ATP13A3: variants seen among roughly 807,000 people sequenced by gnomAD.
ATP13A3 encodes polyamine-transporting ATPase 13A3.
ATP13A3 carries 59 observed loss-of-function variants against 158.1 expected under a neutral mutation model. That is an observed-to-expected ratio of 0.37 (90% CI 0.30 to 0.46). The LOEUF is 0.46. ATP13A3 is among the 20% of genes least tolerant of loss of function. The pLI is 1.00. For missense variants in ATP13A3, 1,166 were observed against 1,525.2 expected (o/e 0.76, Z 3.92); for synonymous variants, 491 against 504.3 (o/e 0.97, Z 0.35).
Position 194,406,084 on chromosome 3 carries a change from T to C in ATP13A3, c.3606A>G (p.Leu1202=), listed in dbSNP as rs200995700. 9.0e-5 allele frequency: 146 copies of C among 1,614,082 alleles called. No homozygotes were observed. Among genetic ancestry groups the C allele is most frequent in the Non-Finnish European group, 5.9e-6 (7 of 1,180,018 alleles). ...TCTTTCTACAGCCCAGGGCCCAGGG[T>C]AAGCAGCATTTTCCCCACCGATCCA... ...ESVDRWGKCC[L]PWALGCRKKT... Residue 1202 remains leucine (L), a synonymous_variant, in exon 34 of 34, where the codon TTA becomes TTG. Coordinates refer to ENST00000645319, the MANE Select transcript of ATP13A3 (RefSeq NM_001367549.1).
At chr3:194,485,109 A>G (rs1167523073) in intron 2 of ATP13A3, among the ~76,000 whole-genome samples, 1 of 152,074 alleles carries the variant, frequency 6.6e-6, no homozygotes, top group Non-Finnish European at 1.5e-5. Flanking sequence ...TTTCCTACCC[A>G]ATCCCCTGAC....
chr3:194,410,307 A>C (rs1008246289), intron 33 of ATP13A3, among the ~76,000 whole-genome samples: 4 of 139,586 alleles, frequency 2.9e-5, no homozygotes, highest in African/African-American at 1.1e-4. Context: ...AAAAAAAAAA[A>C]AAAAAAAAAA....
intron 2 of ATP13A3, among the ~76,000 whole-genome samples, chr3:194,484,113 G>A (rs985535346): frequency 3.9e-5 from 6 of 152,176 alleles, no homozygotes; most frequent in Non-Finnish European, 8.8e-5. Flanking sequence ...GAGATGTTAT[G>A]TTGCCTAGTC....
chr3:194,450,056 G>T, intron 11 of ATP13A3, 89 bp downstream of exon 11: 1 of 1,355,206 alleles, frequency 7.4e-7, no homozygotes, highest in Non-Finnish European at 1.0e-6. Context: ...AGGTACAAAT[G>T]ACATAGCTAA....
chr3:194,457,208 G>A (rs373357916), intron 6 of ATP13A3, 34 bp from the exon 7 acceptor site: 1 of 1,527,638 alleles, frequency 6.5e-7, no homozygotes, highest in Admixed American at 1.8e-5. Context: ...TTTAAACAAA[G>A]TTTAAAATAT....
chr3:194,460,864 T>C, intron 3 of ATP13A3, 33 bp from the exon 4 acceptor site: 1 of 1,583,964 alleles, frequency 6.3e-7, no homozygotes, highest in Non-Finnish European at 8.6e-7. Context: ...TGATTAATTA[T>C]CAAATGATAA....
intron 3 of ATP13A3, 87 bp downstream of exon 3, chr3:194,462,053 G>C: frequency 7.5e-7 from 1 of 1,330,878 alleles, no homozygotes; most frequent in Non-Finnish European, 1.1e-6. Context: ...CGCCACTGTT[G>C]TTAATTGCAT....
chr3:194,420,344 G>A (rs1298775008), intron 30 of ATP13A3: 1 of 154,574 alleles, frequency 6.5e-6, no homozygotes, highest in Admixed American at 6.5e-5. Context: ...ACTAAACTAT[G>A]TGTGGCAAAA....
rs1330089621 is a variant in ATP13A3, at chr3:194,412,245, C to T, written c.3527G>A (p.Arg1176Gln). ...DMVLWKVVFN[R>Q]DKQGEYRFST... ...GAACCGATACTCTCCTTGTTTGTCT[C>T]GGTTGAACACAACTTTCCAAAGGAC... is the stretch of plus-strand genomic sequence containing the variant. The change falls in exon 33 of 34, where the codon CGA (arginine) becomes CAA (glutamine). Residue 1176 changes from arginine (R) to glutamine (Q), a missense_variant. Physicochemically the swap from Arg to Gln is conservative, Grantham distance 43 (BLOSUM62 1). Transcript: ENST00000645319. 21 of 1,536,348 alleles carry T rather than the reference C, an allele frequency of 1.4e-5. No individual in the cohort carries two copies. The highest frequency in any genetic ancestry group is 2.4e-5 in the East Asian group (1 of 40,904).
chr3:194,490,380 C>A (rs1000374923), upstream of ATP13A3, among the ~76,000 whole-genome samples: 1 of 152,218 alleles, frequency 6.6e-6, no homozygotes, highest in South Asian at 2.1e-4. This position sits in a 1 kb window ranked among gnomAD's most constrained non-coding sequence, Gnocchi z 4.4. Context: ...GGACACTTTG[C>A]AGGCCTTATC....
chr3:194,419,861 G>T lies in ATP13A3; in HGVS notation c.3402+18C>A. ...GGTTAGTCTTTTTCCCCAAACAAATGATGTGCTTAAGTCTTACCTGAAGAA... is the reference window on the plus strand; with the variant it reads ...GGTTAGTCTTTTTCCCCAAACAAATTATGTGCTTAAGTCTTACCTGAAGAA... On this transcript the variant is annotated intron_variant, in intron 31 of 33. Transcript: ENST00000645319. 1 of 1,553,914 alleles carries T rather than the reference G, an allele frequency of 6.4e-7. No individual in the cohort carries two copies. The highest frequency in any genetic ancestry group is 1.3e-5 in the South Asian group (1 of 79,404).
At chr3:194,461,736 T>A (rs1282832336) in intron 3 of ATP13A3, among the ~76,000 whole-genome samples, 1 of 152,232 alleles carries the variant, frequency 6.6e-6, no homozygotes, top group East Asian at 1.9e-4. Flanking sequence ...TCACCTGACA[T>A]CTTTCTGGCT....
chr3:194,490,190 A>G (rs78093516), upstream of ATP13A3, among the ~76,000 whole-genome samples: 5,954 of 152,246 alleles, frequency 0.039, 196 homozygotes, highest in African/African-American at 0.09. This position sits in a 1 kb window ranked among gnomAD's most constrained non-coding sequence, Gnocchi z 4.4. Context: ...TCAAGAGGAA[A>G]AATCCTCATC....
At chr3:194,471,019 T>C (rs542213776) in intron 2 of ATP13A3, among the ~76,000 whole-genome samples, 6 of 152,324 alleles carry the variant, frequency 3.9e-5, no homozygotes, top group African/African-American at 1.4e-4. Flanking sequence ...GAGACACTAG[T>C]GCCTTTTGAA....
In ATP13A3 at chr3:194,431,796, T is replaced by C; in HGVS notation, c.2342A>G (p.Asp781Gly). The change falls in exon 22 of 34, where the codon GAT becomes GGT. Residue 781 changes from aspartate (D) to glycine (G), a missense_variant. Asp to Gly is a moderately conservative substitution (Grantham distance 94, BLOSUM62 -1). Around this residue, in one of 3 missense-constraint regions of ATP13A3, gnomAD observed 997 missense variants for 1,341.2 expected, o/e 0.74. Transcript: ENST00000645319. ...VIIAEALPPK[D>G]GKVAKINWHY... is the part of the protein sequence containing the mutation. The stretch of plus-strand genomic sequence containing the variant: ...CCAATTTATTTTGGCAACTTTCCCA[T>C]CCTTTGGAGGTAATGCTTCAGCAAT... 6.2e-7 allele frequency: 1 copy of C among 1,613,314 alleles called. No individual in the cohort carries two copies. Among genetic ancestry groups the C allele is most frequent in the East Asian group, 2.2e-5 (1 of 44,824 alleles).
At chr3:194,482,486 AC>A (rs1159391887) in intron 2 of ATP13A3, among the ~76,000 whole-genome samples, 2 of 152,140 alleles carry the variant, frequency 1.3e-5, no homozygotes, top group Non-Finnish European at 2.9e-5. Context: ...ACAAATATCT[AC>A]TTTTCTCCAG....
chr3:194,456,082 T>C (rs969225330), intron 7 of ATP13A3, 120 bp from the exon 8 acceptor site: 1 of 548,310 alleles, frequency 1.8e-6, no homozygotes, highest in Non-Finnish European at 3.1e-6. Context: ...TCCAAACACC[T>C]GTCTTCTATA....
chr3:194,459,402 G>T, intron 6 of ATP13A3, 69 bp downstream of exon 6: 1 of 1,040,160 alleles, frequency 9.6e-7, no homozygotes, highest in Non-Finnish European at 1.5e-6. Flanking sequence ...ATACTAGAAT[G>T]GACTCTTTTC....
At position 194,459,831 on chromosome 3, in the gene ATP13A3, A is replaced by C. The variant is rs576409629; in HGVS notation, c.366T>G (p.Asn122Lys). The part of the protein sequence containing the change: ...VCLIENPTEE[N>K]RHRISKYSQT... The stretch of plus-strand genomic sequence containing the variant: ...GTGAATATTTACTGATCCTGTGCCT[A>C]TTTTCTTCAGTGGGATTCTCAATTA... The change falls in exon 5 of 34, where the codon AAT (asparagine) becomes AAG (lysine). Residue 122 changes from asparagine (N) to lysine (K), a missense_variant. Asn to Lys is a moderately conservative substitution (Grantham distance 94, BLOSUM62 0). Coordinates refer to ENST00000645319, the MANE Select transcript of ATP13A3 (RefSeq NM_001367549.1). 1 of 1,613,262 alleles carries C rather than the reference A, an allele frequency of 6.2e-7. No individual in the cohort carries two copies. Among genetic ancestry groups the C allele is most frequent in the Non-Finnish European group, 8.5e-7 (1 of 1,179,614 alleles).
Sources: gnomAD v4.1 joint callset for allele counts (sites outside exome capture counted in the v4.1 genomes callset) on GRCh38, gnomAD v4.1.1 for gene constraint, gnomAD v4.1.1 regional missense constraint, Gnocchi (gnomAD v3.1) non-coding constraint, MANE v1.5 for transcripts, NCBI Gene and HGNC (gene_info 2026-07-23, HGNC 2026-07-21) for gene names.